MAP1A: variants seen among roughly 807,000 people sequenced by gnomAD.
MAP1A encodes microtubule-associated protein 1A.
In MAP1A, 42 loss-of-function variants were observed where a neutral mutation model predicts 185.9. The ratio of observed to expected loss-of-function variants is 0.23; its 90% CI spans 0.18 to 0.29. MAP1A has a LOEUF of 0.29. Ranked by LOEUF, MAP1A falls within the 10% of genes least tolerant of loss-of-function variation. The pLI is 1.00. For missense variants in MAP1A, 2,995 were observed against 3,450.4 expected (o/e 0.87, Z 3.31); for synonymous variants, 1,229 against 1,335.9 (o/e 0.92, Z 1.74).
In MAP1A at chr15:43,524,020, A is replaced by G. The variant is rs1231567204; in HGVS notation, c.2547A>G (p.Gln849=). The G allele has an allele frequency of 6.2e-7, 1 of 1,614,072 alleles. No individual in the cohort carries two copies. Among genetic ancestry groups the G allele is most frequent in the Non-Finnish European group, 8.5e-7 (1 of 1,180,014 alleles). The change falls in exon 4 of 6, where the codon CAA becomes CAG. Residue 849 remains glutamine, a synonymous_variant. Transcript: ENST00000300231. The part of the protein sequence containing the change: ...SSFATSVAED[Q]SVASLTAPQT... ...TTGCCACATCAGTGGCTGAGGACCAATCTGTGGCCTCACTTACAGCTCCCC... is the reference window on the plus strand; with the variant it reads ...TTGCCACATCAGTGGCTGAGGACCAGTCTGTGGCCTCACTTACAGCTCCCC...
At chr15:43,512,925 G>A (rs2079287173), upstream of MAP1A, among the ~76,000 whole-genome samples, 1 of 152,168 alleles carries the variant, frequency 6.6e-6, no homozygotes, top group South Asian at 2.1e-4. Flanking sequence ...TTCCCATTCT[G>A]CTGGGTGGGA....
Position 43,527,243 on chromosome 15 carries a change from G to T in MAP1A, c.5770G>T (p.Ala1924Ser). ...AAGGGAAGAAGAAGGTAGGGCTGAG[G>T]CTCCTGACAAAAGCTCACACAGCTC... The part of the protein sequence containing the change: ...GEREEEGRAE[A>S]PDKSSHSSKV... The change falls in exon 4 of 6, where the codon GCT (alanine) becomes TCT (serine). Residue 1924 changes from alanine (A) to serine (S), a missense_variant. Physicochemically the swap from Ala to Ser is moderately conservative, Grantham distance 99 (BLOSUM62 1). This residue lies in a region of MAP1A where 2,728 missense variants were observed against 2,986.0 expected (regional missense o/e 0.91). Transcript: ENST00000300231. The T allele has an allele frequency of 6.2e-7, 1 of 1,614,094 alleles. No individual in the cohort carries two copies. Among genetic ancestry groups the T allele is most frequent in the Non-Finnish European group, 8.5e-7 (1 of 1,179,980 alleles).
In MAP1A at chr15:43,511,296, C is replaced by T. The variant is rs368605256; in HGVS notation, c.238+70C>T. The T allele has an allele frequency of 1.3e-5, 15 of 1,188,552 alleles. No homozygotes were observed. The South Asian group carries it at 1.6e-4, about 13-fold the overall frequency. The allele number at this position is 1,188,552 out of a possible 1,614,324, so 73.6% of individuals were successfully genotyped here. Reference sequence around the variant, plus strand: ...CTTCTCCGCCTTCTGCATTCAACTACCAATGCATACGTCTGCATCTCCATC... The same window carrying T: ...CTTCTCCGCCTTCTGCATTCAACTATCAATGCATACGTCTGCATCTCCATC... On this transcript the variant is annotated intron_variant, in intron 1 of 6. Transcript: ENST00000382031.
At position 43,526,402 on chromosome 15, in the gene MAP1A, G is replaced by A. The variant is rs1595649787; in HGVS notation, c.4929G>A (p.Gly1643=). ...AGCAGGAAGAAAAGTACTGGAGGGG[G>A]CAGGATGTGGTCCAGGAGTGGCAAG... ...AREQEEKYWR[G]QDVVQEWQET... The change falls in exon 4 of 6, where the codon GGG becomes GGA. Residue 1643 remains glycine, a synonymous_variant. Coordinates refer to ENST00000300231, the MANE Select transcript of MAP1A (RefSeq NM_002373.6). The surrounding 1 kb of genome is among the most constrained non-coding windows in gnomAD (Gnocchi z 4.7). The A allele has an allele frequency of 6.2e-7, 1 of 1,614,218 alleles. No homozygotes were observed. Among genetic ancestry groups the A allele is most frequent in the East Asian group, 2.2e-5 (1 of 44,886 alleles).
At chr15:43,515,280 C>T (rs902194332), upstream of MAP1A, among the ~76,000 whole-genome samples, 8 of 152,328 alleles carry the variant, frequency 5.3e-5, no homozygotes, top group African/African-American at 1.7e-4. Flanking sequence ...TCCATTTCCA[C>T]TGACGGACTT....
At chr15:43,511,426 G>C (rs1168778000) in intron 1 of MAP1A, among the ~76,000 whole-genome samples, 1 of 152,086 alleles carries the variant, frequency 6.6e-6, no homozygotes, top group Non-Finnish European at 1.5e-5. Flanking sequence ...CATCCTTACT[G>C]CACACTCCAT....
upstream of MAP1A, among the ~76,000 whole-genome samples, chr15:43,514,877 G>T (rs1054279678): frequency 6.6e-6 from 1 of 152,148 alleles, no homozygotes; most frequent in African/African-American, 2.4e-5. Flanking sequence ...ATACCTATAG[G>T]AAATAGAAGG....
At chr15:43,519,779 T>C (rs1266615234) in intron 1 of MAP1A, among the ~76,000 whole-genome samples, 1 of 152,216 alleles carries the variant, frequency 6.6e-6, no homozygotes, top group East Asian at 1.9e-4. Context: ...TCCTTATTAA[T>C]GTGTTTCTTG....
Position 43,521,272 on chromosome 15 carries a change from G to C in MAP1A, c.-150-52G>C. 2.0e-6 allele frequency: 3 copies of C among 1,513,228 alleles called. No individual in the cohort carries two copies. In the South Asian group the frequency reaches 3.8e-5, roughly 19 times the overall value. The allele number at this position is 1,513,228 out of a possible 1,614,324, so 93.7% of individuals were successfully genotyped here. On this transcript the variant is annotated intron_variant, in intron 3 of 5. Coordinates refer to ENST00000300231, the MANE Select transcript of MAP1A (RefSeq NM_002373.6). This position sits in a 1 kb window ranked among gnomAD's most constrained non-coding sequence, Gnocchi z 4.6. ...AGATTAGGGTACTGAATCTAAGTCA[G>C]ACCAAAACAACTCTAGTGACCTGAT...
rs751150840 is a variant in MAP1A at position 43,525,223 on chromosome 15, A to G, written c.3750A>G (p.Thr1250=). 2.7e-5 allele frequency: 43 copies of G among 1,613,982 alleles called. No homozygotes were observed. Among genetic ancestry groups the G allele is most frequent in the African/African-American group, 4.0e-5 (3 of 74,916 alleles). ...LMQAEDTSHH[T]APMSVPEPHA... ...AGGCCGAGGATACCTCTCACCACACAGCTCCCATGTCTGTTCCAGAGCCCC... is the reference window on the plus strand; with the variant it reads ...AGGCCGAGGATACCTCTCACCACACGGCTCCCATGTCTGTTCCAGAGCCCC... Residue 1250 remains threonine (T), a synonymous_variant, in exon 4 of 6, where the codon ACA becomes ACG. Transcript: ENST00000300231.
At chr15:43,513,304 G>A (rs1333294387), upstream of MAP1A, among the ~76,000 whole-genome samples, 2 of 151,578 alleles carry the variant, frequency 1.3e-5, no homozygotes, top group African/African-American at 4.9e-5. Flanking sequence ...TCCAGCCTGG[G>A]CAACAAAAGT....
In MAP1A at chr15:43,526,953, C is replaced by G. The variant is rs763568155; in HGVS notation, c.5480C>G (p.Pro1827Arg). 16 of 1,613,644 alleles carry G rather than the reference C, an allele frequency of 9.9e-6. No individual in the cohort carries two copies. Among genetic ancestry groups the G allele is most frequent in the Non-Finnish European group, 1.3e-5 (15 of 1,179,788 alleles). The change falls in exon 4 of 6, where the codon CCA becomes CGA. Residue 1827 changes from proline (P) to arginine (R), a missense_variant. Pro to Arg is a moderately radical substitution (Grantham distance 103). Coordinates refer to ENST00000300231, the MANE Select transcript of MAP1A (RefSeq NM_002373.6). This position sits in a 1 kb window ranked among gnomAD's most constrained non-coding sequence, Gnocchi z 4.7. ...CCTATCCCAGACCCTAAGCTCATGC[C>G]ACACATGAAGAATGAACCCACTACT... The part of the protein sequence containing the change: ...ESPIPDPKLM[P>R]HMKNEPTTPS...
Position 43,526,006 on chromosome 15 carries a change from G to A in MAP1A, c.4533G>A (p.Pro1511=), listed in dbSNP as rs750587120. Residue 1511 remains proline (P), a synonymous_variant, in exon 4 of 6, where the codon CCG becomes CCA. Transcript: ENST00000300231. The surrounding 1 kb of genome is among the most constrained non-coding windows in gnomAD (Gnocchi z 4.7). ...TCAGAAGTGTTGAACATAAGGCTCC[G>A]GAGGACACGGTCGCTGAAATGAAGG... is the stretch of plus-strand genomic sequence containing the variant. ...QKVRSVEHKA[P]EDTVAEMKDR... 2.4e-5 allele frequency: 39 copies of A among 1,613,696 alleles called. No homozygotes were observed. In the East Asian group the frequency reaches 4.7e-4, roughly 19 times the overall value.
Position 43,523,656 on chromosome 15 carries a change from C to G in MAP1A, c.2183C>G (p.Ala728Gly), listed in dbSNP as rs1187035207. 1.9e-6 allele frequency: 3 copies of G among 1,614,024 alleles called. No individual in the cohort carries two copies. The highest frequency in any genetic ancestry group is 2.5e-6 in the Non-Finnish European group (3 of 1,179,954). ...AGCAGCCTGACCACACCTGCAGGAG[C>G]CACTGAGCATGTCTCTTACATCCAG... ...FLSSLTTPAG[A>G]TEHVSYIQDE... Residue 728 changes from alanine to glycine, a missense_variant, in exon 4 of 6, where the codon GCC becomes GGC. Ala to Gly is a moderately conservative substitution (Grantham distance 60, BLOSUM62 0). Transcript: ENST00000300231.
At position 43,522,005 on chromosome 15, in the gene MAP1A, C is replaced by T. The variant is rs765277558; in HGVS notation, c.532C>T (p.Arg178Cys). 1.9e-6 allele frequency: 3 copies of T among 1,614,192 alleles called. No individual in the cohort carries two copies. The highest frequency in any genetic ancestry group is 2.2e-5 in the South Asian group (2 of 91,088). ...GGGCATCCAGGCTGAGCCTCTATAT[C>T]GTGTGGTCAGCAATACCATTGAGCC... Reference protein sequence around the residue: ...RLGIQAEPLYRVVSNTIEPLT... With the variant: ...RLGIQAEPLYCVVSNTIEPLT... Residue 178 changes from arginine to cysteine, a missense_variant, in exon 4 of 6, where the codon CGT (arginine) becomes TGT (cysteine). Physicochemically the swap from Arg to Cys is radical, Grantham distance 180 (BLOSUM62 -3). Around this residue, in one of 3 missense-constraint regions of MAP1A, gnomAD observed 264 missense variants for 435.3 expected, o/e 0.61. Transcript: ENST00000300231. This position sits in a 1 kb window ranked among gnomAD's most constrained non-coding sequence, Gnocchi z 5.9.
rs1487295177 is a variant in MAP1A, at chr15:43,521,812, G to A, written c.339G>A (p.Gln113=). Residue 113 remains glutamine, a synonymous_variant, in exon 4 of 6, where the codon CAG becomes CAA. Transcript: ENST00000300231. This position sits in a 1 kb window ranked among gnomAD's most constrained non-coding sequence, Gnocchi z 4.6. ...AAGTGGCAGAGCTAGAGGAGGAGCAGTCCCAGGGCTCTAGCAGTTACAGCG... is the reference window on the plus strand; with the variant it reads ...AAGTGGCAGAGCTAGAGGAGGAGCAATCCCAGGGCTCTAGCAGTTACAGCG... ...QRKVAELEEE[Q]SQGSSSYSDW... 4 of 1,614,138 alleles carry A rather than the reference G, an allele frequency of 2.5e-6. No homozygotes were observed. The Admixed American group carries it at 6.7e-5, about 27-fold the overall frequency.
Position 43,528,677 on chromosome 15 carries a change from C to T in MAP1A, c.7204C>T (p.Arg2402Trp), listed in dbSNP as rs1243264995. The T allele has an allele frequency of 8.1e-6, 13 of 1,613,426 alleles. No homozygotes were observed. The highest frequency in any genetic ancestry group is 3.3e-5 in the Admixed American group (2 of 59,972). The change falls in exon 4 of 6, where the codon CGG becomes TGG. Residue 2402 changes from arginine to tryptophan, a missense_variant. Coordinates refer to ENST00000300231, the MANE Select transcript of MAP1A (RefSeq NM_002373.6). ...GCCTGAAGGAGCTGAGAGGAGCTCC[C>T]GGCCTGACACATTGCTCTCCCCTGA... is the stretch of plus-strand genomic sequence containing the variant. ...AWPEGAERSS[R>W]PDTLLSPEQP...
rs551642274 is a variant in MAP1A, at chr15:43,526,147, G to C, written c.4674G>C (p.Leu1558Phe). 1 of 1,613,798 alleles carries C rather than the reference G, an allele frequency of 6.2e-7. No homozygotes were observed. Among genetic ancestry groups the C allele is most frequent in the Admixed American group, 1.7e-5 (1 of 59,968 alleles). The change falls in exon 4 of 6, where the codon TTG (leucine) becomes TTC (phenylalanine). Residue 1558 changes from leucine (L) to phenylalanine (F), a missense_variant. Physicochemically the swap from Leu to Phe is conservative, Grantham distance 22. Around this residue, in one of 3 missense-constraint regions of MAP1A, gnomAD observed 2,728 missense variants for 2,986.0 expected, o/e 0.91. Transcript: ENST00000300231. The surrounding 1 kb of genome is among the most constrained non-coding windows in gnomAD (Gnocchi z 4.7). ...DQALEQKYWA[L>F]GQKDEALEQN... ...CCTTAGAACAAAAATACTGGGCTTT[G>C]GGACAGAAGGATGAAGCCCTGGAAC... is the stretch of plus-strand genomic sequence containing the variant.
At position 43,527,745 on chromosome 15, in the gene MAP1A, C is replaced by T. The variant is rs561213668; in HGVS notation, c.6272C>T (p.Pro2091Leu). Residue 2091 changes from proline to leucine, a missense_variant, in exon 4 of 6, where the codon CCA becomes CTA. This residue lies in a region of MAP1A where 2,728 missense variants were observed against 2,986.0 expected (regional missense o/e 0.91). Transcript: ENST00000300231. ...AGCTGCAGCCCAGATAGGAGGTCCCCATCCCCCAAGGAATCAGGCCGGAGT... is the reference window on the plus strand; with the variant it reads ...AGCTGCAGCCCAGATAGGAGGTCCCTATCCCCCAAGGAATCAGGCCGGAGT... Reference protein sequence around the residue: ...ILSCSPDRRSPSPKESGRSHW... With the variant: ...ILSCSPDRRSLSPKESGRSHW... 298 of 1,613,736 alleles carry T rather than the reference C, an allele frequency of 1.8e-4. 2 individuals carry two copies. The South Asian group carries it at 3.2e-3, about 17-fold the overall frequency.
Sources: allele counts gnomAD v4.1 joint callset (sites outside exome capture counted in the v4.1 genomes callset), GRCh38; gene constraint gnomAD v4.1.1; regional missense constraint gnomAD v4.1.1; non-coding constraint Gnocchi (gnomAD v3.1); transcripts MANE v1.5; gene names NCBI Gene and HGNC (gene_info 2026-07-23, HGNC 2026-07-21).